PTPRN2: variants seen among roughly 807,000 people sequenced by gnomAD.
The protein encoded by PTPRN2 is protein tyrosine phosphatase receptor type N2.
A neutral mutation model predicts 118.8 loss-of-function variants in PTPRN2; 74 were observed. The ratio of observed to expected loss-of-function variants is 0.62; its 90% CI spans 0.52 to 0.76. The LOEUF (loss-of-function observed/expected upper bound fraction) is 0.76. PTPRN2 is among the 30% of genes least tolerant of loss of function. PTPRN2 has a pLI of 0.00. For synonymous variants in PTPRN2, 641 were observed against 608.0 expected (o/e 1.05, Z -0.80); for missense variants, 1,481 against 1,394.4 (o/e 1.06, Z -0.99).
At chr7:157,982,500 C>T (rs1803344306) in intron 11 of PTPRN2, among the ~76,000 whole-genome samples, 1 of 124,854 alleles carries the variant, frequency 8.0e-6, no homozygotes, top group Non-Finnish European at 1.7e-5. Flanking sequence ...ATGCAGAGTG[C>T]AGGGTCCCCC....
intron 12 of PTPRN2, among the ~76,000 whole-genome samples, chr7:157,719,630 C>T (rs560316381): frequency 1.3e-4 from 20 of 152,350 alleles, no homozygotes; most frequent in East Asian, 3.9e-4. Context: ...TGAGCGCCCC[C>T]GGAGAGCAGG....
At chr7:157,919,943 C>G (rs1798608495) in intron 11 of PTPRN2, among the ~76,000 whole-genome samples, 1 of 152,166 alleles carries the variant, frequency 6.6e-6, no homozygotes, top group Non-Finnish European at 1.5e-5. Flanking sequence ...ACACAAATGC[C>G]TACCGCTGTG....
At chr7:158,187,482 C>T (rs928687295) in intron 5 of PTPRN2, among the ~76,000 whole-genome samples, 14 of 152,246 alleles carry the variant, frequency 9.2e-5, no homozygotes, top group African/African-American at 2.4e-4. Flanking sequence ...CCTATATTTA[C>T]GGGGCAGCAA....
chr7:158,380,305 C>T (rs910143262), intron 2 of PTPRN2, among the ~76,000 whole-genome samples: 3 of 152,194 alleles, frequency 2.0e-5, no homozygotes, highest in African/African-American at 7.2e-5. Context: ...AAATCAAAAA[C>T]AAGTTACTTG....
intron 2 of PTPRN2, among the ~76,000 whole-genome samples, chr7:158,328,902 G>C (rs568402114): frequency 7.5e-6 from 1 of 133,536 alleles, no homozygotes; most frequent in South Asian, 2.4e-4. Context: ...CGCCACCCAG[G>C]GATCCCAGTG....
Position 158,327,385 on chromosome 7 carries a change from GCA to G in PTPRN2, c.164-10455_164-10454del, listed in dbSNP as rs1188939131. Among the ~76,000 whole-genome samples, 31 of 141,934 alleles carry G rather than the reference GCA, an allele frequency of 2.2e-4. 1 individual carries two copies. The highest frequency in any genetic ancestry group is 4.0e-4 in the Non-Finnish European group (26 of 65,782). 93.1% of individuals were successfully genotyped at this position (141,934 alleles called of 152,430 possible). ...CATTGTCACACACACATTATCACAT[GCA>G]CACACATGCTCACACATGCTCACAC... On this transcript the variant is annotated intron_variant, in intron 2 of 22. Coordinates refer to ENST00000389418, the MANE Select transcript of PTPRN2 (RefSeq NM_002847.5).
At chr7:158,144,990 C>T (rs1013342194) in intron 6 of PTPRN2, among the ~76,000 whole-genome samples, 91 of 144,972 alleles carry the variant, frequency 6.3e-4, no homozygotes, top group Admixed American at 1.0e-3. Flanking sequence ...CAGAATACCA[C>T]GGCTCGGCAA....
Position 158,134,076 on chromosome 7 carries a change from T to C in PTPRN2, c.1174-17A>G. On this transcript the variant is annotated splice_polypyrimidine_tract_variant and intron_variant, in intron 8 of 22. Transcript: ENST00000389418. ...ACGATGGACCTGACAGAGAGGACAT[T>C]CCGTGAGGGACGTCTGCGAAAGGAA... 1 of 1,604,756 alleles carries C rather than the reference T, an allele frequency of 6.2e-7. No individual in the cohort carries two copies. The highest frequency in any genetic ancestry group is 8.5e-7 in the Non-Finnish European group (1 of 1,174,342).
In PTPRN2 at chr7:158,544,008, G is replaced by A. The variant is rs955678833; in HGVS notation, c.112+43550C>T. ...AAAACCAGGGCAGCCCCAACTGGCC[G>A]GGAAAGCTCCTCTGGGCTCTGCCCC... On this transcript the variant is annotated intron_variant, in intron 1 of 22. Transcript: ENST00000389418. This position sits in a 1 kb window ranked among gnomAD's most constrained non-coding sequence, Gnocchi z 4.2. Among the ~76,000 whole-genome samples, 4 of 152,206 alleles carry A rather than the reference G, an allele frequency of 2.6e-5. No homozygotes were observed. The highest frequency in any genetic ancestry group is 4.8e-5 in the African/African-American group (2 of 41,454).
At chr7:157,706,170 C>A (rs899617901) in intron 12 of PTPRN2, among the ~76,000 whole-genome samples, 7 of 151,878 alleles carry the variant, frequency 4.6e-5, no homozygotes, top group African/African-American at 1.7e-4. Flanking sequence ...CCTTCCAGAT[C>A]AATGTGCACT....
At chr7:158,265,376 A>T (rs1182803615) in intron 3 of PTPRN2, among the ~76,000 whole-genome samples, 1 of 151,740 alleles carries the variant, frequency 6.6e-6, no homozygotes, top group Non-Finnish European at 1.5e-5. Flanking sequence ...CTATGGGCAC[A>T]TACTTGCAGG....
chr7:157,860,841 G>C (rs1411648327), intron 12 of PTPRN2, among the ~76,000 whole-genome samples: 1 of 152,252 alleles, frequency 6.6e-6, no homozygotes, highest in Non-Finnish European at 1.5e-5. Flanking sequence ...GGCCGGGGCT[G>C]GTCAGCTCAG....
intron 11 of PTPRN2, among the ~76,000 whole-genome samples, chr7:157,937,124 G>A (rs1051133451): frequency 5.3e-5 from 8 of 152,262 alleles, no homozygotes; most frequent in African/African-American, 7.2e-5. Flanking sequence ...CCTGAACACC[G>A]TGGGTCTGAC....
chr7:157,873,568 C>T (rs1050859882), intron 12 of PTPRN2, among the ~76,000 whole-genome samples: 20 of 134,440 alleles, frequency 1.5e-4, no homozygotes, highest in Admixed American at 3.5e-4. Flanking sequence ...GGGAGGAGAA[C>T]GTACTGTCCT....
At chr7:158,379,512 A>G (rs570596086) in intron 2 of PTPRN2, among the ~76,000 whole-genome samples, 72 of 151,978 alleles carry the variant, frequency 4.7e-4, no homozygotes, top group African/African-American at 1.6e-3. Flanking sequence ...GGGGCTCCCA[A>G]GAAATGGTAC....
At chr7:158,188,542 G>C (rs1334573433) in intron 5 of PTPRN2, among the ~76,000 whole-genome samples, 4 of 104,078 alleles carry the variant, frequency 3.8e-5, no homozygotes, top group African/African-American at 8.7e-5. Context: ...GCCTGATGGG[G>C]AAGGCCGCCA....
At chr7:157,963,892 C>A (rs768454555) in intron 11 of PTPRN2, among the ~76,000 whole-genome samples, 2 of 152,144 alleles carry the variant, frequency 1.3e-5, no homozygotes, top group East Asian at 3.8e-4. Flanking sequence ...TTTGGACAGA[C>A]GAGTTCTCCC....
intron 5 of PTPRN2, among the ~76,000 whole-genome samples, chr7:158,181,961 T>A (rs1045983526): frequency 1.3e-5 from 2 of 152,206 alleles, no homozygotes; most frequent in Admixed American, 6.5e-5. Context: ...GCTTTGGGTT[T>A]AGTTTGTTCA....
rs1167279603 is a variant in PTPRN2, at chr7:157,801,368, G to A, written c.1788+97305C>T. On this transcript the variant is annotated intron_variant, in intron 12 of 22. Transcript: ENST00000389418. The surrounding 1 kb of genome is among the most constrained non-coding windows in gnomAD (Gnocchi z 4.2). ...AGCACTGCTTTGCCGTCTCCAGAAA[G>A]AGCTGTCGAGGTTTATTTATTCACG... Among the ~76,000 whole-genome samples the A allele has an allele frequency of 1.3e-4, 20 of 152,198 alleles. No homozygotes were observed. Among genetic ancestry groups the A allele is most frequent in the Admixed American group, 1.3e-3 (20 of 15,284 alleles).
Sources: allele counts gnomAD v4.1 joint callset (sites outside exome capture counted in the v4.1 genomes callset), GRCh38; gene constraint gnomAD v4.1.1; non-coding constraint Gnocchi (gnomAD v3.1); transcripts MANE v1.5; gene names NCBI Gene and HGNC (gene_info 2026-07-23, HGNC 2026-07-21).